Variants in PTPRM observed in about 807,000 individuals in gnomAD.
The protein encoded by PTPRM is receptor-type tyrosine-protein phosphatase mu.
A neutral mutation model predicts 186.7 loss-of-function variants in PTPRM; 47 were observed. The ratio of observed to expected loss-of-function variants is 0.25; its 90% CI spans 0.20 to 0.32. PTPRM has a LOEUF of 0.32. Ranked by LOEUF, PTPRM falls within the 10% of genes least tolerant of loss-of-function variation. PTPRM has a pLI of 1.00. For synonymous variants in PTPRM, 668 were observed against 674.9 expected (o/e 0.99, Z 0.16); for missense variants, 1,494 against 1,865.0 (o/e 0.80, Z 3.66).
intron 2 of PTPRM, chr18:7,815,621 T>C (rs2044773258): frequency 6.6e-6 from 1 of 152,288 alleles, no homozygotes; most frequent in Non-Finnish European, 1.5e-5. Flanking sequence ...ATTTTGAGAC[T>C]GTAGTGTGCA....
chr18:8,174,832 C>G (rs1020974588), intron 14 of PTPRM, among the ~76,000 whole-genome samples: 19 of 152,192 alleles, frequency 1.2e-4, no homozygotes, highest in Non-Finnish European at 2.8e-4. Flanking sequence ...ATTAAATCTA[C>G]AAGTAGAGCC....
intron 1 of PTPRM, among the ~76,000 whole-genome samples, chr18:7,674,679 A>G (rs2039295265): frequency 1.3e-5 from 2 of 152,204 alleles, no homozygotes; most frequent in African/African-American, 4.8e-5. Flanking sequence ...TGGAGAAGTA[A>G]GTTTTCTAGT....
chr18:8,248,483 A>G, intron 17 of PTPRM: 1 of 453,094 alleles, frequency 2.2e-6, no homozygotes, highest in South Asian at 2.1e-5. Flanking sequence ...ATCCCAGGGG[A>G]AAAAAACAAG....
chr18:8,196,475 G>A lies in PTPRM; in HGVS notation c.2301-47583G>A, dbSNP rs116437896. On this transcript the variant is annotated intron_variant, in intron 14 of 32. Coordinates refer to ENST00000580170, the MANE Select transcript of PTPRM (RefSeq NM_001105244.2). The stretch of plus-strand genomic sequence containing the variant: ...GAGGTGCTGCGCAGGTCAGCAGTGC[G>A]CCAGCATACTGGTTTCGTACAACTC... Among the ~76,000 whole-genome samples, 793 of 152,286 alleles carry A rather than the reference G, an allele frequency of 5.2e-3. 8 individuals are homozygous for A. Among genetic ancestry groups the A allele is most frequent in the African/African-American group, 0.018 (743 of 41,568 alleles).
intron 1 of PTPRM, among the ~76,000 whole-genome samples, chr18:7,761,935 T>A (rs1403082329): frequency 6.6e-6 from 1 of 152,210 alleles, no homozygotes; most frequent in Non-Finnish European, 1.5e-5. Flanking sequence ...AGATGTTTTT[T>A]CTTCAGCGCT....
intron 7 of PTPRM, among the ~76,000 whole-genome samples, chr18:8,023,382 T>C (rs2085347818): frequency 6.6e-6 from 1 of 152,170 alleles, no homozygotes; most frequent in Non-Finnish European, 1.5e-5. Flanking sequence ...CATGTACCAA[T>C]ATGGAGGAGA....
intron 3 of PTPRM, among the ~76,000 whole-genome samples, chr18:7,890,079 G>A (rs2048992492): frequency 6.6e-6 from 1 of 152,224 alleles, no homozygotes; most frequent in Non-Finnish European, 1.5e-5. Context: ...TGGGCATTTG[G>A]AGAGCTTTTT....
chr18:7,831,707 T>A (rs2045768870), intron 2 of PTPRM, among the ~76,000 whole-genome samples: 1 of 152,202 alleles, frequency 6.6e-6, no homozygotes, highest in Non-Finnish European at 1.5e-5. Context: ...ATACTAGGTC[T>A]TATTCACTCT....
At chr18:7,726,769 C>T (rs1236155608) in intron 1 of PTPRM, among the ~76,000 whole-genome samples, 1 of 152,150 alleles carries the variant, frequency 6.6e-6, no homozygotes, top group Non-Finnish European at 1.5e-5. Flanking sequence ...TTGAGGGTAT[C>T]AGTTCCTTTG....
In PTPRM at chr18:8,331,069, C is replaced by T. The variant is rs574476448; in HGVS notation, c.2956+11855C>T. Among the ~76,000 whole-genome samples, 10 of 146,294 alleles carry T rather than the reference C, an allele frequency of 6.8e-5. No individual in the cohort carries two copies. In the South Asian group the frequency reaches 1.6e-3, roughly 24 times the overall value. ...TCAAATCTGATGGGTCTGCCTTTCT[C>T]GACCTGCTTTCTGTGTCAAGAATAA... On this transcript the variant is annotated intron_variant, in intron 22 of 32. Transcript: ENST00000580170.
At chr18:7,658,361 CAT>C (rs1427190240) in intron 1 of PTPRM, among the ~76,000 whole-genome samples, 2 of 116,438 alleles carry the variant, frequency 1.7e-5, no homozygotes, top group East Asian at 2.9e-4. Flanking sequence ...TATATATATA[CAT>C]ACACACACAC....
At chr18:7,829,942 G>C (rs902559561) in intron 2 of PTPRM, among the ~76,000 whole-genome samples, 6 of 151,892 alleles carry the variant, frequency 4.0e-5, no homozygotes, top group African/African-American at 1.5e-4. Flanking sequence ...TAATGTTCAA[G>C]TGGTAATTAC....
At chr18:7,827,709 C>T (rs928812884) in intron 2 of PTPRM, among the ~76,000 whole-genome samples, 2 of 152,306 alleles carry the variant, frequency 1.3e-5, no homozygotes, top group South Asian at 4.1e-4. Context: ...TTATCTTTAT[C>T]AAGGCTACTC....
intron 7 of PTPRM, among the ~76,000 whole-genome samples, chr18:8,069,131 A>G (rs1339611123): frequency 6.6e-6 from 1 of 150,926 alleles, no homozygotes; most frequent in Non-Finnish European, 1.5e-5. Flanking sequence ...AAAAAAAAAA[A>G]AAAGCAGATT....
intron 14 of PTPRM, among the ~76,000 whole-genome samples, chr18:8,227,138 C>T (rs371121294): frequency 6.6e-6 from 1 of 152,130 alleles, no homozygotes; most frequent in Non-Finnish European, 1.5e-5. Context: ...CGACTTTTGT[C>T]GTTACTTTTA....
intron 1 of PTPRM, among the ~76,000 whole-genome samples, chr18:7,706,619 A>AAAAC (rs2040097756): frequency 1.4e-5 from 2 of 147,714 alleles, no homozygotes; most frequent in African/African-American, 5.1e-5. Flanking sequence ...AAAAAAAAAA[A>AAAAC]AAAAAAAAAA....
intron 5 of PTPRM, among the ~76,000 whole-genome samples, chr18:7,935,268 T>C (rs1372226009): frequency 6.6e-6 from 1 of 152,124 alleles, no homozygotes; most frequent in Non-Finnish European, 1.5e-5. Flanking sequence ...CTCTAAAAAA[T>C]TTTGAGTACT....
chr18:7,777,204 A>ATG (rs2042630162), intron 2 of PTPRM, among the ~76,000 whole-genome samples: 1 of 152,202 alleles, frequency 6.6e-6, no homozygotes, highest in Non-Finnish European at 1.5e-5. Context: ...TATTTGTCTT[A>ATG]TGTATATAGG....
intron 14 of PTPRM, among the ~76,000 whole-genome samples, chr18:8,197,538 T>C (rs1012847605): frequency 6.6e-6 from 1 of 152,228 alleles, no homozygotes; most frequent in Non-Finnish European, 1.5e-5. Flanking sequence ...AAGAAGTTGC[T>C]TAGGAGTAGG....
Sources: allele counts gnomAD v4.1 joint callset (sites outside exome capture counted in the v4.1 genomes callset), GRCh38; gene constraint gnomAD v4.1.1; transcripts MANE v1.5; gene names NCBI Gene and HGNC (gene_info 2026-07-23, HGNC 2026-07-21).